Variants in PTPRK observed in about 807,000 individuals in gnomAD.
The protein encoded by PTPRK is receptor-type tyrosine-protein phosphatase kappa.
Under a neutral mutation model 178.0 loss-of-function variants are expected in PTPRK, and 75 were observed. The observed-to-expected ratio is 0.42, with a 90% CI of 0.35 to 0.51. PTPRK has a LOEUF of 0.51. Among genes scored for constraint, PTPRK ranks in the 20% least tolerant of loss-of-function variants. The pLI is 0.02. For missense variants in PTPRK, 1,441 were observed against 1,797.8 expected, an observed-to-expected ratio of 0.80 and a Z score of 3.59; for synonymous variants, 637 against 620.6, an observed-to-expected ratio of 1.03 and a Z score of -0.39.
intron 7 of PTPRK, among the ~76,000 whole-genome samples, chr6:128,176,090 T>C (rs1476409164): frequency 2.6e-5 from 4 of 151,904 alleles, no homozygotes; most frequent in Non-Finnish European, 5.9e-5. Context: ...TCTTCACTAA[T>C]ATAATTTTTA....
chr6:128,039,485 AAC>A (rs573895547), intron 13 of PTPRK, among the ~76,000 whole-genome samples: 1 of 152,318 alleles, frequency 6.6e-6, no homozygotes, highest in South Asian at 2.1e-4. Context: ...TTCTATTTAA[AAC>A]ACAACATTGG....
rs546543813 is a variant in PTPRK, at chr6:128,153,925, T to G, written c.1162+30507A>C. On this transcript the variant is annotated intron_variant, in intron 7 of 29. Transcript: ENST00000368226. ...GTTCAGACCTCCATTTATCAAAATG[T>G]GCTTCACTCTCCATGGTCCCAAGAA... Among the ~76,000 whole-genome samples, 31 of 151,964 alleles carry G rather than the reference T, an allele frequency of 2.0e-4. No individual in the cohort carries two copies. In the South Asian group the frequency reaches 5.8e-3, roughly 28 times the overall value.
chr6:128,292,341 G>C (rs1476808284), intron 3 of PTPRK, among the ~76,000 whole-genome samples: 1 of 151,910 alleles, frequency 6.6e-6, no homozygotes, highest in Non-Finnish European at 1.5e-5. Flanking sequence ...ATTTAGAAAA[G>C]TCCAAATGCA....
In PTPRK at chr6:128,078,873, T is replaced by C. The variant is rs1319945582; in HGVS notation, c.1823A>G (p.Glu608Gly). The C allele has an allele frequency of 1.2e-6, 2 of 1,612,438 alleles. No individual in the cohort carries two copies. The highest frequency in any genetic ancestry group is 2.2e-5 in the South Asian group (2 of 91,030). The change falls in exon 11 of 30, where the codon GAA becomes GGA. Residue 608 changes from glutamate to glycine, a missense_variant. Glu to Gly is a moderately conservative substitution (Grantham distance 98). Around this residue, in one of 4 missense-constraint regions of PTPRK, gnomAD observed 945 missense variants for 1,080.6 expected, o/e 0.87. Transcript: ENST00000368226. ...CAATACAGTTATTGTGGTGGCAGTT[T>C]CATTGAGAGAGGCATCAACTCCTTC... ...DYEGVDASLN[E>G]TATTITVLLR...
chr6:128,142,564 AC>A (rs1795927896), intron 7 of PTPRK, among the ~76,000 whole-genome samples: 2 of 151,400 alleles, frequency 1.3e-5, no homozygotes, highest in African/African-American at 4.8e-5. Context: ...ATATATATAC[AC>A]ACACACACGT....
chr6:128,470,790 C>A, intron 1 of PTPRK, among the ~76,000 whole-genome samples: 1 of 138,604 alleles, frequency 7.2e-6, no homozygotes, highest in Non-Finnish European at 1.5e-5. Flanking sequence ...GAAGCCTTTC[C>A]TGCAAACTAT....
At chr6:128,280,262 T>C (rs1821459544) in intron 3 of PTPRK, among the ~76,000 whole-genome samples, 2 of 152,132 alleles carry the variant, frequency 1.3e-5, no homozygotes, top group African/African-American at 4.8e-5. Context: ...ACCTGTAAAG[T>C]TAGGGACAGA....
At chr6:128,063,783 G>C (rs967612259) in intron 13 of PTPRK, among the ~76,000 whole-genome samples, 1 of 152,124 alleles carries the variant, frequency 6.6e-6, no homozygotes, top group Admixed American at 6.5e-5. Flanking sequence ...CAAAGAGAAA[G>C]TCTTTCTTTA....
chr6:128,376,623 G>T (rs925335299), intron 2 of PTPRK, among the ~76,000 whole-genome samples: 6 of 152,130 alleles, frequency 3.9e-5, no homozygotes, highest in African/African-American at 9.7e-5. Flanking sequence ...TCTGCAGCAG[G>T]CTTGAATTTC....
chr6:127,990,715 A>G, intron 21 of PTPRK, 54 bp downstream of exon 21: 1 of 1,162,994 alleles, frequency 8.6e-7, no homozygotes. Flanking sequence ...AAAGATTTTA[A>G]GAGAAAAAGC....
Position 128,190,691 on chromosome 6 carries a change from G to A in PTPRK, c.869-5966C>T, listed in dbSNP as rs534686056. On this transcript the variant is annotated intron_variant, in intron 6 of 29. Transcript: ENST00000368226. ...TTTTTGTATTTTTAGTAGAGATGGG[G>A]TTTTACCATGTTGGCCAGGCTGGTC... Among the ~76,000 whole-genome samples the A allele has an allele frequency of 2.0e-5, 3 of 151,682 alleles. No homozygotes were observed. The East Asian group carries it at 5.8e-4, about 29-fold the overall frequency.
intron 7 of PTPRK, among the ~76,000 whole-genome samples, chr6:128,112,231 T>G (rs1054690966): frequency 1.3e-5 from 2 of 152,080 alleles, no homozygotes; most frequent in African/African-American, 4.8e-5. Flanking sequence ...GACACTAGCA[T>G]TTACTTCAGT....
intron 2 of PTPRK, among the ~76,000 whole-genome samples, chr6:128,374,743 C>T (rs1264405872): frequency 6.6e-6 from 1 of 152,192 alleles, no homozygotes; most frequent in Non-Finnish European, 1.5e-5. Context: ...CTCTCCACAT[C>T]CCGCACTCAG....
intron 3 of PTPRK, among the ~76,000 whole-genome samples, chr6:128,270,641 T>C (rs1819660708): frequency 6.6e-6 from 1 of 152,164 alleles, no homozygotes; most frequent in Admixed American, 6.6e-5. Flanking sequence ...ACTAGCAATG[T>C]CAGAAACATC....
At chr6:128,518,449 A>G (rs1858421907) in intron 1 of PTPRK, among the ~76,000 whole-genome samples, 1 of 152,228 alleles carries the variant, frequency 6.6e-6, no homozygotes, top group South Asian at 2.1e-4. Flanking sequence ...ACTGCTGAAA[A>G]TATATCCATC....
chr6:128,008,046 C>T, intron 14 of PTPRK: 1 of 1,344,288 alleles, frequency 7.4e-7, no homozygotes, highest in South Asian at 1.1e-5. Flanking sequence ...TAATGCATAC[C>T]TAATGTTTCT....
At chr6:128,133,557 GAAGAT>G (rs910776944) in intron 7 of PTPRK, among the ~76,000 whole-genome samples, 3 of 151,884 alleles carry the variant, frequency 2.0e-5, no homozygotes, top group African/African-American at 4.8e-5. Context: ...AAATTTTTTG[GAAGAT>G]AAGAAACATC....
At chr6:128,214,650 T>C (rs1808902402) in intron 6 of PTPRK, among the ~76,000 whole-genome samples, 1 of 152,088 alleles carries the variant, frequency 6.6e-6, no homozygotes, top group Admixed American at 6.6e-5. Flanking sequence ...ATTTCTCTCC[T>C]AAGACTAGGT....
intron 7 of PTPRK, among the ~76,000 whole-genome samples, chr6:128,127,912 A>C (rs1370396134): frequency 6.6e-6 from 1 of 152,140 alleles, no homozygotes; most frequent in Non-Finnish European, 1.5e-5. Context: ...GCTTACTAAG[A>C]GACTGTCCTG....
Sources: allele counts gnomAD v4.1 joint callset (sites outside exome capture counted in the v4.1 genomes callset), GRCh38; gene constraint gnomAD v4.1.1; regional missense constraint gnomAD v4.1.1; transcripts MANE v1.5; gene names NCBI Gene and HGNC (gene_info 2026-07-23, HGNC 2026-07-21).